Variants in NCOA2 observed in about 807,000 individuals in gnomAD.
The protein encoded by NCOA2 is class E basic helix-loop-helix protein 75.
A neutral mutation model predicts 145.1 loss-of-function variants in NCOA2; 21 were observed. The observed-to-expected ratio is 0.14, with a 90% CI of 0.10 to 0.21. NCOA2 has a LOEUF of 0.21. NCOA2 is among the 10% of genes least tolerant of loss of function. The probability of loss-of-function intolerance (pLI) is 1.00; values close to 1 mark genes in which losing one functional copy is unlikely to be tolerated. For synonymous variants in NCOA2, 619 were observed against 637.5 expected (o/e 0.97, Z 0.44); for missense variants, 1,472 against 1,837.6 (o/e 0.80, Z 3.64).
chr8:70,446,630 T>C, the NCOA2 span, among the ~76,000 whole-genome samples: 1 of 152,174 alleles, frequency 6.6e-6, no homozygotes, highest in Admixed American at 6.5e-5. Flanking sequence ...CCTCCCTGCC[T>C]TTCCCCCAGA....
chr8:70,282,073 T>G (rs1825927757), intron 2 of NCOA2, among the ~76,000 whole-genome samples: 1 of 151,728 alleles, frequency 6.6e-6, no homozygotes, highest in South Asian at 2.1e-4. Flanking sequence ...AGGTGAGAGA[T>G]AAGACCAAAT....
rs181164826 is a variant in NCOA2, at chr8:70,244,672, T to C, written c.-19-27908A>G. Among the ~76,000 whole-genome samples, 1,061 of 152,260 alleles carry C rather than the reference T, an allele frequency of 7.0e-3. 3 individuals are homozygous for C. Among genetic ancestry groups the C allele is most frequent in the Non-Finnish European group, 0.011 (723 of 67,990 alleles). On this transcript the variant is annotated intron_variant, in intron 2 of 22. Transcript: ENST00000452400. ...AAAGCTTATAGTTATATTTATTCCTTAATAATTAAGATTTGCATCTAAAAA... is the reference window on the plus strand; with the variant it reads ...AAAGCTTATAGTTATATTTATTCCTCAATAATTAAGATTTGCATCTAAAAA...
Position 70,158,264 on chromosome 8 carries a change from G to A in NCOA2, c.1125-1024C>T, listed in dbSNP as rs1010128911. On this transcript the variant is annotated intron_variant, in intron 10 of 22. Coordinates refer to ENST00000452400, the MANE Select transcript of NCOA2 (RefSeq NM_006540.4). ...AATGGAACTCCTCAGCCAGAGCAAC[G>A]TTATATATTTACTGATAGGACCTCA... Among the ~76,000 whole-genome samples, 58 of 152,120 alleles carry A rather than the reference G, an allele frequency of 3.8e-4. 1 individual carries two copies. The highest frequency in any genetic ancestry group is 1.3e-3 in the African/African-American group (54 of 41,414).
At chr8:70,424,157 C>T in the NCOA2 span, 233 of 226,888 alleles carry the variant, frequency 1.0e-3, 1 homozygote, top group African/African-American at 5.3e-3. Context: ...ATAGTATGGC[C>T]ACAGTGGCCA....
intron 18 of NCOA2, among the ~76,000 whole-genome samples, chr8:70,127,689 T>A (rs145134118): frequency 3.9e-5 from 6 of 152,298 alleles, no homozygotes; most frequent in African/African-American, 1.2e-4. Flanking sequence ...AGTTGCCTAC[T>A]CAGTAAAATT....
At chr8:70,375,517 G>C (rs1023896180) in intron 1 of NCOA2, among the ~76,000 whole-genome samples, 1 of 152,072 alleles carries the variant, frequency 6.6e-6, no homozygotes, top group East Asian at 1.9e-4. Flanking sequence ...TTAAAATTGA[G>C]GGCAAAAATA....
rs537983751 is a variant in NCOA2 at position 70,238,545 on chromosome 8, T to C, written c.-19-21781A>G. On this transcript the variant is annotated intron_variant, in intron 2 of 22. Coordinates refer to ENST00000452400, the MANE Select transcript of NCOA2 (RefSeq NM_006540.4). ...ACAATTCTTCCCATTGTCTAAGAAA[T>C]GCCATTAAATAACTATCTAGAAATA... Among the ~76,000 whole-genome samples the C allele has an allele frequency of 2.4e-4, 37 of 152,274 alleles. No homozygotes were observed. In the South Asian group the frequency reaches 4.4e-3, roughly 18 times the overall value.
rs771788004 is a variant in NCOA2 at position 70,128,972 on chromosome 8, T to C, written c.3333A>G (p.Ala1111=). 1 of 1,599,464 alleles carries C rather than the reference T, an allele frequency of 6.3e-7. No individual in the cohort carries two copies. ...GACTTGAGAACTGTTCTGGATCTAC[T>C]GCTTGGCTCTGGAGAGAAAGTCCCA... ...GIPELVSQSQ[A]VDPEQFSSQD... The change falls in exon 17 of 23, where the codon GCA becomes GCG. Residue 1111 remains alanine, a synonymous_variant. Coordinates refer to ENST00000452400, the MANE Select transcript of NCOA2 (RefSeq NM_006540.4).
chr8:70,175,374 AT>A (rs1814710489), intron 4 of NCOA2, among the ~76,000 whole-genome samples: 1 of 152,204 alleles, frequency 6.6e-6, no homozygotes, highest in Non-Finnish European at 1.5e-5. Context: ...TTACATTCCC[AT>A]TTAAAGTGGA....
rs116260938 is a variant in NCOA2 at position 70,175,641 on chromosome 8, C to T, written c.260-782G>A. Among the ~76,000 whole-genome samples, 997 of 152,326 alleles carry T rather than the reference C, an allele frequency of 6.5e-3. 12 individuals carry two copies. The highest frequency in any genetic ancestry group is 0.023 in the African/African-American group (942 of 41,576). ...GAAGAAAAAGATGCACACTTATCAA[C>T]GTATGTGGTAAAGTAGTTATTTCAA... On this transcript the variant is annotated intron_variant, in intron 4 of 22. Coordinates refer to ENST00000452400, the MANE Select transcript of NCOA2 (RefSeq NM_006540.4).
chr8:70,350,390 G>A (rs1344955298), intron 1 of NCOA2, among the ~76,000 whole-genome samples: 2 of 151,826 alleles, frequency 1.3e-5, no homozygotes, highest in African/African-American at 2.4e-5. Context: ...TTTTTTTCCT[G>A]GGATATTTCA....
chr8:70,437,043 C>T, the NCOA2 span, among the ~76,000 whole-genome samples: 1 of 152,260 alleles, frequency 6.6e-6, no homozygotes, highest in East Asian at 1.9e-4. Context: ...CATACTTTCT[C>T]TCTGGAGCTT....
At chr8:70,208,038 C>A (rs1818642979) in intron 4 of NCOA2, among the ~76,000 whole-genome samples, 1 of 151,550 alleles carries the variant, frequency 6.6e-6, no homozygotes, top group Admixed American at 6.6e-5. Context: ...ATCTCTTGAG[C>A]TTAAGAGTTC....
rs1188652894 is a variant in NCOA2, at chr8:70,237,085, C to T, written c.-19-20321G>A. On this transcript the variant is annotated intron_variant, in intron 2 of 22. Coordinates refer to ENST00000452400, the MANE Select transcript of NCOA2 (RefSeq NM_006540.4). ...TACTTAATATTCATGGAATAAATTG[C>T]TTTACAAACTGCTATCGAGTTTGAA... 2.6e-5 allele frequency among the ~76,000 whole-genome samples: 4 copies of T among 152,186 alleles called. No individual in the cohort carries two copies. In the East Asian group the frequency reaches 7.7e-4, roughly 29 times the overall value.
At position 70,121,262 on chromosome 8, in the gene NCOA2, C is replaced by G. The variant is rs1323176602; in HGVS notation, c.4383+40G>C. On this transcript the variant is annotated intron_variant, in intron 22 of 22. Coordinates refer to ENST00000452400, the MANE Select transcript of NCOA2 (RefSeq NM_006540.4). ...TTGGTCTATCAAATATTCATGTTTG[C>G]TTTACTTCCATATTCATATATTTCA... The G allele has an allele frequency of 2.0e-6, 3 of 1,530,524 alleles. No homozygotes were observed. In the South Asian group the frequency reaches 3.5e-5, roughly 18 times the overall value. 94.8% of individuals were successfully genotyped at this position (1,530,524 alleles called of 1,614,324 possible).
chr8:70,314,314 C>G (rs1805402469), intron 1 of NCOA2, among the ~76,000 whole-genome samples: 1 of 151,512 alleles, frequency 6.6e-6, no homozygotes, highest in Admixed American at 6.6e-5. Flanking sequence ...CTTCACCAAC[C>G]TATATTATCC....
chr8:70,141,078 G>A, intron 14 of NCOA2, 106 bp downstream of exon 14: 1 of 1,093,404 alleles, frequency 9.1e-7, no homozygotes, highest in Non-Finnish European at 1.3e-6. Flanking sequence ...TTCATGGGAG[G>A]ATTATCTAAA....
chr8:70,352,492 C>T (rs565668959), intron 1 of NCOA2, among the ~76,000 whole-genome samples: 5 of 152,144 alleles, frequency 3.3e-5, no homozygotes, highest in African/African-American at 1.2e-4. Context: ...TTTCCTAATG[C>T]CATTTTGTGT....
chr8:70,213,896 C>A lies in NCOA2; in HGVS notation c.259+7G>T. ...AACTCTTCAAAATACTAATTCAGTC[C>A]TCTTACCTTGTTCTTTGATCTGACG... On this transcript the variant is annotated splice_region_variant and intron_variant, in intron 4 of 22. Transcript: ENST00000452400. 1 of 1,574,690 alleles carries A rather than the reference C, an allele frequency of 6.4e-7. No homozygotes were observed. The highest frequency in any genetic ancestry group is 2.3e-5 in the East Asian group (1 of 44,092).
Sources: gnomAD v4.1 joint callset for allele counts (sites outside exome capture counted in the v4.1 genomes callset) on GRCh38, gnomAD v4.1.1 for gene constraint, MANE v1.5 for transcripts, NCBI Gene and HGNC (gene_info 2026-07-23, HGNC 2026-07-21) for gene names.